RPS6KA2: variants seen among roughly 807,000 people sequenced by gnomAD.
The protein encoded by RPS6KA2 is ribosomal protein S6 kinase A2.
Under a neutral mutation model 91.8 loss-of-function variants are expected in RPS6KA2, and 42 were observed. The ratio of observed to expected loss-of-function variants is 0.46; its 90% CI spans 0.36 to 0.59. The LOEUF (loss-of-function observed/expected upper bound fraction) is 0.59. Ranked by LOEUF, RPS6KA2 falls within the 20% of genes least tolerant of loss-of-function variation. The pLI, the probability that RPS6KA2 is intolerant of heterozygous loss-of-function variation, is 0.00. For synonymous variants in RPS6KA2, 414 were observed against 393.6 expected (o/e 1.05, Z -0.61); for missense variants, 798 against 978.5 (o/e 0.82, Z 2.46).
chr6:166,531,350 G>A (rs1554286631), intron 2 of RPS6KA2, 37 bp from the exon 3 acceptor site: 1 of 1,490,284 alleles, frequency 6.7e-7, no homozygotes, highest in Non-Finnish European at 9.4e-7. Context: ...AAACCCGTAA[G>A]ACTTCAAACT....
intron 2 of RPS6KA2, among the ~76,000 whole-genome samples, chr6:166,716,509 C>T (rs140861214): frequency 8.7e-4 from 133 of 152,266 alleles, no homozygotes; most frequent in African/African-American, 3.1e-3. Flanking sequence ...ATTTGAGGAC[C>T]TGCTGCACAG....
chr6:166,531,115 A>C (rs1783258990), intron 3 of RPS6KA2, 117 bp downstream of exon 3: 1 of 758,778 alleles, frequency 1.3e-6, no homozygotes, highest in Non-Finnish European at 2.4e-6. Context: ...TAATGTGCTC[A>C]TTTAGAGACA....
At chr6:166,854,982 T>C (rs1780848840) in intron 2 of RPS6KA2, among the ~76,000 whole-genome samples, 1 of 152,228 alleles carries the variant, frequency 6.6e-6, no homozygotes, top group African/African-American at 2.4e-5. Flanking sequence ...GAAAATGTGA[T>C]ACAGATACAT....
rs576308417 is a variant in RPS6KA2, at chr6:166,488,985, C to A, written c.819-64G>T. ...GAACAAGGACAAGCTATAAAGAGGGCCCCAGTCAGCATTCAGAGACCTCAA... is the reference window on the plus strand; with the variant it reads ...GAACAAGGACAAGCTATAAAGAGGGACCCAGTCAGCATTCAGAGACCTCAA... On this transcript the variant is annotated intron_variant, in intron 9 of 20. Transcript: ENST00000265678. 6.2e-5 allele frequency: 85 copies of A among 1,367,834 alleles called. 2 individuals carry two copies. The East Asian group carries it at 2.1e-3, about 33-fold the overall frequency. 84.7% of individuals were successfully genotyped at this position (1,367,834 alleles called of 1,614,324 possible).
At chr6:166,827,887 G>A (rs941385162) in intron 2 of RPS6KA2, among the ~76,000 whole-genome samples, 10 of 152,116 alleles carry the variant, frequency 6.6e-5, no homozygotes, top group Admixed American at 1.3e-4. Flanking sequence ...ACCCTTAATC[G>A]GGTTTTTAGT....
chr6:166,682,437 T>C (rs1788854024), intron 2 of RPS6KA2, among the ~76,000 whole-genome samples: 1 of 151,774 alleles, frequency 6.6e-6, no homozygotes, highest in Non-Finnish European at 1.5e-5. Context: ...TGCCCACAGG[T>C]GGGGTCCGGT....
chr6:166,644,535 C>T (rs370557912), intron 2 of RPS6KA2, among the ~76,000 whole-genome samples: 19 of 152,294 alleles, frequency 1.2e-4, no homozygotes, highest in Middle Eastern at 3.4e-3. Flanking sequence ...AGCTAAACCT[C>T]CCGGTATTCT....
intron 1 of RPS6KA2, among the ~76,000 whole-genome samples, chr6:166,616,739 T>G (rs1435616197): frequency 6.6e-6 from 1 of 152,224 alleles, no homozygotes; most frequent in Non-Finnish European, 1.5e-5. Flanking sequence ...CAGGGCCTGA[T>G]GGCCACATGT....
chr6:166,722,410 G>A (rs367731875), intron 2 of RPS6KA2, among the ~76,000 whole-genome samples: 7 of 152,260 alleles, frequency 4.6e-5, no homozygotes, highest in South Asian at 2.1e-4. Context: ...GGGAGGCACA[G>A]AGGGCTCCCC....
intron 2 of RPS6KA2, among the ~76,000 whole-genome samples, chr6:166,646,978 G>T (rs529847083): frequency 6.6e-6 from 1 of 152,076 alleles, no homozygotes; most frequent in Non-Finnish European, 1.5e-5. Context: ...CCAGGCTGAC[G>T]CCCAGCCCTC....
chr6:166,709,278 C>A (rs1196931565), intron 2 of RPS6KA2, among the ~76,000 whole-genome samples: 2 of 151,980 alleles, frequency 1.3e-5, no homozygotes, highest in East Asian at 3.9e-4. Flanking sequence ...GGAATAAGAA[C>A]AATAGTCCCA....
intron 1 of RPS6KA2, among the ~76,000 whole-genome samples, chr6:166,569,134 A>C (rs1342328006): frequency 1.3e-5 from 2 of 152,252 alleles, no homozygotes; most frequent in Non-Finnish European, 2.9e-5. Context: ...GTACAGACAC[A>C]AGCATGTCCC....
chr6:166,451,084 T>C lies in RPS6KA2; in HGVS notation c.1206+19A>G, dbSNP rs376622821. The C allele has an allele frequency of 1.9e-6, 3 of 1,613,604 alleles. No individual in the cohort carries two copies. In the African/African-American group the frequency reaches 4.0e-5, roughly 22 times the overall value. ...AAGTGCCCTCTTACCCCCAACCCAC[T>C]GCAGGCAAACACAGTTACCTGCACG... On this transcript the variant is annotated intron_variant, in intron 13 of 20. Coordinates refer to ENST00000265678, the MANE Select transcript of RPS6KA2 (RefSeq NM_021135.6).
chr6:166,661,098 C>CTTTTTCTTT (rs145279087), intron 2 of RPS6KA2, among the ~76,000 whole-genome samples: 1 of 151,658 alleles, frequency 6.6e-6, no homozygotes, highest in Admixed American at 6.6e-5. Context: ...TGGCCAAAAT[C>CTTTTTCTTT]TTTTTCTTTT....
chr6:166,815,329 C>T (rs969683826), intron 2 of RPS6KA2, among the ~76,000 whole-genome samples: 5 of 152,322 alleles, frequency 3.3e-5, no homozygotes, highest in African/African-American at 1.2e-4. Context: ...CACTACTAGA[C>T]CTCTGATCCC....
intron 2 of RPS6KA2, among the ~76,000 whole-genome samples, chr6:166,727,522 G>A (rs556229681): frequency 4.6e-5 from 7 of 151,842 alleles, no homozygotes; most frequent in African/African-American, 1.7e-4. Flanking sequence ...ACTGTAATGT[G>A]CCAGCACCCT....
At chr6:166,686,080 G>A (rs1015234539) in intron 2 of RPS6KA2, among the ~76,000 whole-genome samples, 1 of 152,122 alleles carries the variant, frequency 6.6e-6, no homozygotes, top group Non-Finnish European at 1.5e-5. Context: ...AGACACCTAC[G>A]GAAGGATCGA....
intron 2 of RPS6KA2, 66 bp from the exon 3 acceptor site, chr6:166,531,379 T>C: frequency 8.3e-7 from 1 of 1,199,166 alleles, no homozygotes; most frequent in Non-Finnish European, 1.2e-6. Context: ...ATATTGGATT[T>C]GACAAGGGGA....
At chr6:166,482,446 A>C (rs9347129) in intron 10 of RPS6KA2, among the ~76,000 whole-genome samples, 26,480 of 152,166 alleles carry the variant, frequency 0.17, 2,593 homozygotes, top group African/African-American at 0.26. Context: ...TGGGGGAGGA[A>C]TGTCCCAGGA....
Sources: gnomAD v4.1 joint callset for allele counts (sites outside exome capture counted in the v4.1 genomes callset) on GRCh38, gnomAD v4.1.1 for gene constraint, MANE v1.5 for transcripts, NCBI Gene and HGNC (gene_info 2026-07-23, HGNC 2026-07-21) for gene names.